FRMPD2: variants seen among roughly 807,000 people sequenced by gnomAD.
FRMPD2 encodes the protein FERM and PDZ domain containing 2.
FRMPD2 carries 96 observed loss-of-function variants against 140.1 expected under a neutral mutation model. The observed-to-expected ratio is 0.69, with a 90% CI of 0.58 to 0.81. The LOEUF (loss-of-function observed/expected upper bound fraction) is 0.81, where lower values mean the gene tolerates loss of function less well. FRMPD2 is among the 40% of genes least tolerant of loss of function. The probability of loss-of-function intolerance (pLI) is 0.00; values close to 1 mark genes in which losing one functional copy is unlikely to be tolerated. For synonymous variants in FRMPD2, 449 were observed against 547.6 expected, an observed-to-expected ratio of 0.82 and a Z score of 2.52; for missense variants, 1,240 against 1,447.4, an observed-to-expected ratio of 0.86 and a Z score of 2.32.
chr10:48,238,518 AT>A (rs146043600), intron 7 of FRMPD2, among the ~76,000 whole-genome samples: 182 of 152,352 alleles, frequency 1.2e-3, no homozygotes, highest in African/African-American at 4.0e-3. Context: ...TGTTTAAGGA[AT>A]CAGGGGGTAA....
intron 4 of FRMPD2, among the ~76,000 whole-genome samples, chr10:48,243,389 A>G (rs1344800973): frequency 6.6e-6 from 1 of 152,244 alleles, no homozygotes. Context: ...GAAGATGCAG[A>G]TGAGCTGACA....
Position 48,211,818 on chromosome 10 carries a change from C to T in FRMPD2, c.1611+136G>A, listed in dbSNP as rs76831801. 5.0e-3 allele frequency: 3,489 copies of T among 703,670 alleles called. 133 individuals carry two copies. In the East Asian group the frequency reaches 0.086, roughly 17 times the overall value. The allele number at this position is 703,670 out of a possible 1,614,324, so 43.6% of individuals were successfully genotyped here. ...GAAGCCTCTCCTTGCCCCTCCCTGC[C>T]TCCTAGAGTTCCACCCTTGCTCATG... is the stretch of plus-strand genomic sequence containing the variant. On this transcript the variant is annotated intron_variant, in intron 13 of 28. Coordinates refer to ENST00000374201, the MANE Select transcript of FRMPD2 (RefSeq NM_001018071.4).
chr10:48,173,721 T>C (rs531219397), intron 24 of FRMPD2, among the ~76,000 whole-genome samples: 2 of 152,196 alleles, frequency 1.3e-5, no homozygotes, highest in East Asian at 3.9e-4. Context: ...GCACCCCAGG[T>C]CTGTACCACC....
At chr10:48,204,391 T>C (rs762933136) in intron 14 of FRMPD2, among the ~76,000 whole-genome samples, 2 of 152,206 alleles carry the variant, frequency 1.3e-5, no homozygotes, top group Admixed American at 6.5e-5. Flanking sequence ...AGCAAAAATG[T>C]TTCTGTGCAA....
intron 8 of FRMPD2, among the ~76,000 whole-genome samples, chr10:48,237,324 A>G (rs1469181741): frequency 6.6e-6 from 1 of 152,120 alleles, no homozygotes; most frequent in Non-Finnish European, 1.5e-5. Flanking sequence ...TCAGGAAGAA[A>G]AGCCAAAGGA....
chr10:48,235,394 C>A (rs1839944625), intron 9 of FRMPD2, among the ~76,000 whole-genome samples: 1 of 152,186 alleles, frequency 6.6e-6, no homozygotes, highest in South Asian at 2.1e-4. Context: ...CGTGCACTGA[C>A]CAGTTTGCTT....
chr10:48,205,891 T>C lies in FRMPD2; in HGVS notation c.1797+857A>G, dbSNP rs17010878. Among the ~76,000 whole-genome samples, 870 of 152,342 alleles carry C rather than the reference T, an allele frequency of 5.7e-3. 8 individuals are homozygous for C. Among genetic ancestry groups the C allele is most frequent in the African/African-American group, 0.02 (824 of 41,584 alleles). On this transcript the variant is annotated intron_variant, in intron 14 of 28. Coordinates refer to ENST00000374201, the MANE Select transcript of FRMPD2 (RefSeq NM_001018071.4). ...CATCCTGAAAATGAATGAAAGCAATTATGTTCTACTCAGGAAACTCTAACA... is the reference window on the plus strand; with the variant it reads ...CATCCTGAAAATGAATGAAAGCAATCATGTTCTACTCAGGAAACTCTAACA...
chr10:48,174,171 T>C (rs1473701573), intron 24 of FRMPD2, among the ~76,000 whole-genome samples: 3 of 152,084 alleles, frequency 2.0e-5, no homozygotes, highest in Non-Finnish European at 4.4e-5. Context: ...GGAAGGGCCT[T>C]CAGGAATCCC....
chr10:48,260,416 G>A (rs1018908296), intron 1 of FRMPD2, among the ~76,000 whole-genome samples: 4 of 152,000 alleles, frequency 2.6e-5, no homozygotes, highest in African/African-American at 9.7e-5. Flanking sequence ...CTCAAGCTGG[G>A]TAGGAAAAAA....
chr10:48,222,168 GGA>G, intron 12 of FRMPD2, 143 bp downstream of exon 12: 1 of 720,908 alleles, frequency 1.4e-6, no homozygotes, highest in Non-Finnish European at 2.2e-6. Flanking sequence ...ATGGATGGAT[GGA>G]TGGATAAATG....
chr10:48,236,314 G>GA (rs1285775630), intron 9 of FRMPD2, among the ~76,000 whole-genome samples, 168 bp downstream of exon 9: 1 of 152,164 alleles, frequency 6.6e-6, no homozygotes, highest in African/African-American at 2.4e-5. Context: ...AGGCTGAAGG[G>GA]AAAACAGCAG....
At chr10:48,211,362 G>T (rs1387543615) in intron 13 of FRMPD2, among the ~76,000 whole-genome samples, 2 of 152,246 alleles carry the variant, frequency 1.3e-5, no homozygotes, top group Admixed American at 1.3e-4. Context: ...CTGCCTGCAG[G>T]GCTGCAAACT....
chr10:48,230,571 AACTT>A (rs1474168457), intron 10 of FRMPD2, among the ~76,000 whole-genome samples: 9 of 152,232 alleles, frequency 5.9e-5, no homozygotes, highest in Non-Finnish European at 1.0e-4. Flanking sequence ...GATGAGGCTA[AACTT>A]ACTTAGTAAA....
chr10:48,184,359 C>T (rs1838623829), intron 20 of FRMPD2, among the ~76,000 whole-genome samples: 1 of 152,114 alleles, frequency 6.6e-6, no homozygotes, highest in Non-Finnish European at 1.5e-5. Context: ...TCCCTTTCAG[C>T]AAGACAAGCA....
chr10:48,208,412 T>C (rs1052029056), intron 13 of FRMPD2, among the ~76,000 whole-genome samples: 1 of 152,220 alleles, frequency 6.6e-6, no homozygotes. Context: ...TAAAGCACCA[T>C]GCTAAGCCTC....
chr10:48,201,761 T>C (rs1489697410), intron 14 of FRMPD2: 1 of 155,688 alleles, frequency 6.4e-6, no homozygotes, highest in Non-Finnish European at 1.4e-5. Flanking sequence ...CAAGAAGTTG[T>C]AGACAAAATC....
intron 1 of FRMPD2, among the ~76,000 whole-genome samples, chr10:48,263,385 T>G (rs1185931397): frequency 6.6e-6 from 1 of 151,476 alleles, no homozygotes; most frequent in African/African-American, 2.4e-5. Flanking sequence ...GCAGATTATT[T>G]GAAAACAACA....
In FRMPD2 at chr10:48,162,901, T is replaced by C. The variant is rs1317088262; in HGVS notation, c.3881+427A>G. Reference sequence around the variant, plus strand: ...GATTTTGAATTCAGCCTGGGCAACATAGTAAGACCCCATCTTTAAAAAAAA... The same window carrying C: ...GATTTTGAATTCAGCCTGGGCAACACAGTAAGACCCCATCTTTAAAAAAAA... On this transcript the variant is annotated intron_variant, in intron 28 of 28. Coordinates refer to ENST00000374201, the MANE Select transcript of FRMPD2 (RefSeq NM_001018071.4). 2.0e-4 allele frequency among the ~76,000 whole-genome samples: 19 copies of C among 94,830 alleles called. 1 individual carries two copies. The highest frequency in any genetic ancestry group is 8.0e-4 in the African/African-American group (18 of 22,372). The allele number at this position is 94,830 out of a possible 152,430, so 62.2% of individuals were successfully genotyped here.
At chr10:48,230,046 C>T (rs887706332) in intron 10 of FRMPD2, among the ~76,000 whole-genome samples, 1 of 152,008 alleles carries the variant, frequency 6.6e-6, no homozygotes, top group Non-Finnish European at 1.5e-5. Flanking sequence ...GCTGAACGAA[C>T]GGATGAAAAA....
Sources: allele counts gnomAD v4.1 joint callset (sites outside exome capture counted in the v4.1 genomes callset), GRCh38; gene constraint gnomAD v4.1.1; transcripts MANE v1.5; gene names NCBI Gene and HGNC (gene_info 2026-07-23, HGNC 2026-07-21).